The following TMEM132B variants were observed in gnomAD, a reference collection of about 807,000 sequenced individuals.
TMEM132B encodes the protein transmembrane protein 132B.
In TMEM132B, 18 loss-of-function variants were observed where a neutral mutation model predicts 90.8. The observed-to-expected ratio is 0.20, with a 90% CI of 0.14 to 0.29. TMEM132B has a LOEUF of 0.29. TMEM132B is among the 10% of genes least tolerant of loss of function. The pLI, the probability that TMEM132B is intolerant of heterozygous loss-of-function variation, is 1.00. For missense variants in TMEM132B, 1,096 were observed against 1,326.8 expected, an observed-to-expected ratio of 0.83 and a Z score of 2.70; for synonymous variants, 504 against 523.3, an observed-to-expected ratio of 0.96 and a Z score of 0.50.
chr12:125,347,399 T>C (rs1005683951), intron 1 of TMEM132B, among the ~76,000 whole-genome samples: 2 of 152,226 alleles, frequency 1.3e-5, no homozygotes, highest in African/African-American at 4.8e-5. Context: ...TCTGAATGCC[T>C]TCTTAGAAAA....
intron 5 of TMEM132B, among the ~76,000 whole-genome samples, chr12:125,616,593 A>G (rs1252939243): frequency 6.6e-6 from 1 of 152,192 alleles, no homozygotes; most frequent in Non-Finnish European, 1.5e-5. Context: ...TCCACAAAAG[A>G]CAGCTTTGCA....
chr12:125,483,537 G>C (rs1375013281), intron 3 of TMEM132B, among the ~76,000 whole-genome samples: 1 of 152,176 alleles, frequency 6.6e-6, no homozygotes, highest in Non-Finnish European at 1.5e-5. Flanking sequence ...CAGGTAATTT[G>C]GTATCTGTCT....
Position 125,251,501 on chromosome 12 carries a change from G to A in TMEM132B, c.67+64635G>A, listed in dbSNP as rs1458816616. On this transcript the variant is annotated intron_variant, in intron 1 of 8. Coordinates refer to ENST00000682704, the MANE Select transcript of TMEM132B (RefSeq NM_001366854.1). This position sits in a 1 kb window ranked among gnomAD's most constrained non-coding sequence, Gnocchi z 4.4. The stretch of plus-strand genomic sequence containing the variant: ...AAATGTATGAGAGGGAAGAAGTCTG[G>A]GTTTAAGAAATTCGCTGCTCTCTGC... Among the ~76,000 whole-genome samples, 1 of 152,116 alleles carries A rather than the reference G, an allele frequency of 6.6e-6. No individual in the cohort carries two copies. The highest frequency in any genetic ancestry group is 1.5e-5 in the Non-Finnish European group (1 of 68,020).
At chr12:125,525,551 C>T (rs1883429590) in intron 4 of TMEM132B, among the ~76,000 whole-genome samples, 3 of 152,344 alleles carry the variant, frequency 2.0e-5, no homozygotes, top group South Asian at 4.1e-4. Flanking sequence ...CAGACACTGA[C>T]CTTGCTAGGG....
chr12:125,606,671 C>G lies in TMEM132B; in HGVS notation c.1437+22677C>G, dbSNP rs545897902. 2.6e-5 allele frequency among the ~76,000 whole-genome samples: 4 copies of G among 152,342 alleles called. No homozygotes were observed. In the South Asian group the frequency reaches 8.3e-4, roughly 32 times the overall value. ...GCTTCCATAACCAATGTTGTCAGAG[C>G]TCTTATCCCTCCCCTGCTACCCATC... On this transcript the variant is annotated intron_variant, in intron 5 of 8. Transcript: ENST00000682704.
intron 3 of TMEM132B, among the ~76,000 whole-genome samples, chr12:125,454,386 G>T (rs1173276630): frequency 1.5e-5 from 2 of 135,516 alleles, no homozygotes; most frequent in African/African-American, 6.1e-5. Context: ...GTGTGTGTGT[G>T]TGTGTTTGTG....
intron 1 of TMEM132B, among the ~76,000 whole-genome samples, chr12:125,295,530 G>GAC (rs1875649351): frequency 6.6e-6 from 1 of 151,518 alleles, no homozygotes; most frequent in African/African-American, 2.4e-5. Flanking sequence ...GAGAGAGAGA[G>GAC]AGAGAGAGAG....
At chr12:125,513,213 C>T (rs1330533406) in intron 3 of TMEM132B, among the ~76,000 whole-genome samples, 1 of 151,846 alleles carries the variant, frequency 6.6e-6, no homozygotes, top group Non-Finnish European at 1.5e-5. Context: ...TAACACTCTT[C>T]ATTCATTCAT....
chr12:125,512,192 G>C (rs1882999424), intron 3 of TMEM132B, among the ~76,000 whole-genome samples: 1 of 152,218 alleles, frequency 6.6e-6, no homozygotes, highest in Non-Finnish European at 1.5e-5. Context: ...AGTGAGTAAA[G>C]TGGCTCAGGC....
At chr12:125,553,339 G>C (rs1259703591) in intron 4 of TMEM132B, among the ~76,000 whole-genome samples, 1 of 152,334 alleles carries the variant, frequency 6.6e-6, no homozygotes, top group Middle Eastern at 3.4e-3. Flanking sequence ...GAGAGGAAAA[G>C]GAACAAAGAG....
At chr12:125,416,137 G>A (rs371381786) in intron 3 of TMEM132B, among the ~76,000 whole-genome samples, 1 of 152,094 alleles carries the variant, frequency 6.6e-6, no homozygotes, top group African/African-American at 2.4e-5. Context: ...GTCTTCTCTC[G>A]TTCAGACACC....
At chr12:125,562,980 T>C (rs1884569607) in intron 4 of TMEM132B, among the ~76,000 whole-genome samples, 1 of 151,662 alleles carries the variant, frequency 6.6e-6, no homozygotes, top group African/African-American at 2.4e-5. Context: ...TCTCAGGGAA[T>C]AGGGAGGCCG....
At position 125,400,796 on chromosome 12, in the gene TMEM132B, G is replaced by A. The variant is rs566428243; in HGVS notation, c.960-14735G>A. On this transcript the variant is annotated intron_variant, in intron 2 of 8. Transcript: ENST00000682704. ...TTAATCACACCCTGAAAATGTTCCC[G>A]TGCCCCAGGCTGGGCTTATCTCAGA... Among the ~76,000 whole-genome samples, 7 of 152,142 alleles carry A rather than the reference G, an allele frequency of 4.6e-5. No individual in the cohort carries two copies. The South Asian group carries it at 6.2e-4, about 14-fold the overall frequency.
At chr12:125,552,555 G>A (rs1884257072) in intron 4 of TMEM132B, among the ~76,000 whole-genome samples, 1 of 152,130 alleles carries the variant, frequency 6.6e-6, no homozygotes, top group Non-Finnish European at 1.5e-5. Flanking sequence ...AAACCCAAAA[G>A]TCGCCTTGCA....
chr12:125,292,210 A>C (rs1189815202), intron 1 of TMEM132B, among the ~76,000 whole-genome samples: 1 of 152,218 alleles, frequency 6.6e-6, no homozygotes, highest in Non-Finnish European at 1.5e-5. Flanking sequence ...TAAACCTTCT[A>C]ATTCTCCTCC....
intron 1 of TMEM132B, among the ~76,000 whole-genome samples, chr12:125,255,163 A>G (rs757058404): frequency 2.0e-5 from 3 of 152,064 alleles, no homozygotes; most frequent in Admixed American, 1.3e-4. Flanking sequence ...GCCACCCTCC[A>G]TCCCTAGCTC....
At chr12:125,378,959 C>A (rs1223164913) in intron 2 of TMEM132B, among the ~76,000 whole-genome samples, 10 of 152,100 alleles carry the variant, frequency 6.6e-5, no homozygotes, top group Non-Finnish European at 1.0e-4. Flanking sequence ...GTATAGCCCC[C>A]ACCCCCCTCA....
At chr12:125,250,713 C>A (rs980243517) in intron 1 of TMEM132B, among the ~76,000 whole-genome samples, 3 of 152,120 alleles carry the variant, frequency 2.0e-5, no homozygotes, top group Non-Finnish European at 4.4e-5. Flanking sequence ...GCCCAGAAGA[C>A]CCAGTGGACT....
intron 4 of TMEM132B, among the ~76,000 whole-genome samples, chr12:125,538,383 T>C (rs1218916184): frequency 1.3e-5 from 2 of 152,140 alleles, no homozygotes; most frequent in African/African-American, 4.8e-5. Flanking sequence ...CCATCACCAA[T>C]TTTAGGGATA....
Sources: gnomAD v4.1 joint callset for allele counts (sites outside exome capture counted in the v4.1 genomes callset) on GRCh38, gnomAD v4.1.1 for gene constraint, Gnocchi (gnomAD v3.1) non-coding constraint, MANE v1.5 for transcripts, NCBI Gene and HGNC (gene_info 2026-07-23, HGNC 2026-07-21) for gene names.